The following MVD variants were observed in gnomAD, a reference collection of about 807,000 sequenced individuals.
MVD encodes the protein mevalonate diphosphate decarboxylase.
A neutral mutation model predicts 42.4 loss-of-function variants in MVD; 52 were observed. The ratio of observed to expected loss-of-function variants is 1.23; its 90% CI spans 0.98 to 1.55. MVD has a LOEUF of 1.55. MVD is among the 40% of genes most tolerant of loss of function. The pLI is 0.00. For synonymous variants in MVD, 287 were observed against 243.2 expected (o/e 1.18, Z -1.68); for missense variants, 663 against 572.1 (o/e 1.16, Z -1.62).
rs1907685627 is a variant in MVD, at chr16:88,653,175, G to A, written c.1122+125C>T. 4 of 728,530 alleles carry A rather than the reference G, an allele frequency of 5.5e-6. No individual in the cohort carries two copies. The African/African-American group carries it at 7.3e-5, about 13-fold the overall frequency. The allele number at this position is 728,530 out of a possible 1,614,324, so 45.1% of individuals were successfully genotyped here. A position where few individuals can be genotyped will look rare whatever the true frequency, so the allele number is the denominator to read the frequency against. ...GCAAATGAATGGACAAAGGCGTTCTGGCTTCCTGCCTGAGACACGGTAGGG... is the reference window on the plus strand; with the variant it reads ...GCAAATGAATGGACAAAGGCGTTCTAGCTTCCTGCCTGAGACACGGTAGGG... On this transcript the variant is annotated intron_variant, in intron 9 of 9. Coordinates refer to ENST00000301012, the MANE Select transcript of MVD (RefSeq NM_002461.3).
chr16:88,654,600 C>G, intron 8 of MVD, 92 bp downstream of exon 8: 1 of 1,304,578 alleles, frequency 7.7e-7, no homozygotes, highest in Non-Finnish European at 1.0e-6. Flanking sequence ...CTCCCTGTCT[C>G]AGCGCCACAG....
chr16:88,662,699 G>A, intron 1 of MVD: 1 of 1,377,532 alleles, frequency 7.3e-7, no homozygotes, highest in African/African-American at 1.5e-5. Context: ...GCACCACCAC[G>A]GCGGATTCTT....
At chr16:88,655,158 T>A in intron 7 of MVD, 41 bp downstream of exon 7, 1 of 1,544,904 alleles carries the variant, frequency 6.5e-7, no homozygotes, top group Non-Finnish European at 8.7e-7. Context: ...AGACACGCGC[T>A]ACAGCGCGAG....
At chr16:88,662,588 T>TG (rs1567619356) in intron 1 of MVD, 4 of 935,266 alleles carry the variant, frequency 4.3e-6, no homozygotes, top group East Asian at 2.0e-4. Flanking sequence ...GGTCTCGGGC[T>TG]GGGGGAGCAG....
At position 88,657,604 on chromosome 16, in the gene MVD, G is replaced by A. The variant is rs112107798; in HGVS notation, c.257-22C>T. The A allele has an allele frequency of 8.9e-4, 1,424 of 1,606,248 alleles. 13 individuals are homozygous for A. The African/African-American group carries it at 0.017, about 19-fold the overall frequency. ...CGGACTGCAGAGACAATGAGACAGC[G>A]TGTGGCCCAGCCGTCAGCACCCTGC... On this transcript the variant is annotated intron_variant, in intron 3 of 9. Transcript: ENST00000301012.
At chr16:88,658,919 G>T in intron 1 of MVD, 199 bp from the exon 2 acceptor site, 1 of 575,154 alleles carries the variant, frequency 1.7e-6, no homozygotes, top group Non-Finnish European at 3.2e-6. Flanking sequence ...CAGGCTCCCA[G>T]AGCAGAGCTG....
intron 3 of MVD, 146 bp downstream of exon 3, chr16:88,657,769 C>T: frequency 8.0e-7 from 1 of 1,245,486 alleles, no homozygotes; most frequent in South Asian, 1.4e-5. Context: ...GGGCCACTGC[C>T]CTGGAGCTGG....
rs981568234 is a variant in MVD, at chr16:88,656,539, G to C, written c.404-235C>G. 189 of 581,966 alleles carry C rather than the reference G, an allele frequency of 3.2e-4. 1 individual carries two copies. The highest frequency in any genetic ancestry group is 2.2e-3 in the South Asian group (104 of 47,674). 36.1% of individuals were successfully genotyped at this position (581,966 alleles called of 1,614,324 possible). A position where few individuals can be genotyped will look rare whatever the true frequency, so the allele number is the denominator to read the frequency against. On this transcript the variant is annotated intron_variant, in intron 4 of 9. Coordinates refer to ENST00000301012, the MANE Select transcript of MVD (RefSeq NM_002461.3). ...TCACGGCCTGCAGAGCTTGCGGCCC[G>C]CGACAAGGGCAACAAAAGGTACCTG... is the stretch of plus-strand genomic sequence containing the variant.
intron 1 of MVD, among the ~76,000 whole-genome samples, chr16:88,659,629 A>T (rs910509361): frequency 3.3e-5 from 5 of 152,146 alleles, no homozygotes; most frequent in African/African-American, 1.2e-4. Flanking sequence ...AACCAAAGCC[A>T]GCCCTCCCTA....
intron 3 of MVD, 32 bp from the exon 4 acceptor site, chr16:88,657,614 G>C (rs1254411865): frequency 6.2e-7 from 1 of 1,603,012 alleles, no homozygotes; most frequent in Non-Finnish European, 8.5e-7. Context: ...GTGTGGCCCA[G>C]CCGTCAGCAC....
intron 4 of MVD, 65 bp downstream of exon 4, chr16:88,657,371 G>A (rs1298905048): frequency 7.8e-6 from 12 of 1,532,800 alleles, no homozygotes; most frequent in Admixed American, 2.0e-5. Flanking sequence ...CCTGACCCGG[G>A]AAGAGCATGA....
rs764961928 is a variant in MVD at position 88,658,010 on chromosome 16, G to A, written c.161C>T (p.Ala54Val). The A allele has an allele frequency of 1.2e-6, 2 of 1,614,080 alleles. No individual in the cohort carries two copies. The highest frequency in any genetic ancestry group is 1.1e-5 in the South Asian group (1 of 91,080). Residue 54 changes from alanine to valine, a missense_variant, in exon 3 of 10, where the codon GCC becomes GTC. Transcript: ENST00000301012. ...CTCGGTGAAGTCCTTGCTGATGACG[G>A]CTGTTGTGGTGGTTTTTAACTGAAA... ...HQDQLKTTTT[A>V]VISKDFTEDR...
In MVD at chr16:88,658,049, C is replaced by T. The variant is rs1257465123; in HGVS notation, c.142-20G>A. 3 of 1,611,408 alleles carry T rather than the reference C, an allele frequency of 1.9e-6. No individual in the cohort carries two copies. The highest frequency in any genetic ancestry group is 2.2e-5 in the South Asian group (2 of 91,026). On this transcript the variant is annotated intron_variant, in intron 2 of 9. Transcript: ENST00000301012. ...TTTTAACTGAAAAGGAAACCCAGGG[C>T]CACCTCAGAGGCCAGCATTGAGGAC...
intron 1 of MVD, 194 bp from the exon 2 acceptor site, chr16:88,658,914 T>G: frequency 5.4e-6 from 3 of 556,236 alleles, no homozygotes; most frequent in Non-Finnish European, 9.8e-6. Context: ...GAGCTCAGGC[T>G]CCCAGAGCAG....
Position 88,652,239 on chromosome 16 carries a change from T to C in MVD, c.*286A>G, listed in dbSNP as rs917157514. Reference sequence around the variant, plus strand: ...AGCCAGAGCTGGGGTGAGAAAGCCCTTCAGCCCTGCTGCACCGAGGCTCTG... The same window carrying C: ...AGCCAGAGCTGGGGTGAGAAAGCCCCTCAGCCCTGCTGCACCGAGGCTCTG... On this transcript the variant is annotated 3_prime_UTR_variant, in exon 10 of 10. Coordinates refer to ENST00000301012, the MANE Select transcript of MVD (RefSeq NM_002461.3). 1 of 556,266 alleles carries C rather than the reference T, an allele frequency of 1.8e-6. No individual in the cohort carries two copies. The highest frequency in any genetic ancestry group is 3.1e-5 in the Admixed American group (1 of 32,082). 34.5% of individuals were successfully genotyped at this position (556,266 alleles called of 1,614,324 possible).
Position 88,658,008 on chromosome 16 carries a change from C to T in MVD, c.163G>A (p.Val55Ile), listed in dbSNP as rs200435526. The change falls in exon 3 of 10, where the codon GTC (valine) becomes ATC (isoleucine). Residue 55 changes from valine to isoleucine, a missense_variant. Coordinates refer to ENST00000301012, the MANE Select transcript of MVD (RefSeq NM_002461.3). ...TCCTCGGTGAAGTCCTTGCTGATGA[C>T]GGCTGTTGTGGTGGTTTTTAACTGA... is the stretch of plus-strand genomic sequence containing the variant. ...QDQLKTTTTA[V>I]ISKDFTEDRI... 1.9e-4 allele frequency: 307 copies of T among 1,614,090 alleles called. 2 individuals are homozygous for T. The highest frequency in any genetic ancestry group is 2.5e-4 in the Non-Finnish European group (295 of 1,180,034).
At position 88,655,724 on chromosome 16, in the gene MVD, C is replaced by T. The variant is rs112697935; in HGVS notation, c.610G>A (p.Ala204Thr). 180 of 1,556,796 alleles carry T rather than the reference C, an allele frequency of 1.2e-4. 1 individual carries two copies. Among genetic ancestry groups the T allele is most frequent in the Middle Eastern group, 1.7e-4 (1 of 6,002 alleles). The change falls in exon 6 of 10, where the codon GCT becomes ACT. Residue 204 changes from alanine (A) to threonine (T), a missense_variant. Transcript: ENST00000301012. ...ELRVLILVVSAEKKLTGSTVG... is the reference protein window; with the variant it reads ...ELRVLILVVSTEKKLTGSTVG... ...GTACTGCCTGTCAGCTTCTTCTCAG[C>T]GCTCACCTGCACGAGGGAGAGACAG...
Position 88,658,033 on chromosome 16 carries a change from A to T in MVD, c.142-4T>A. ...CGGCTGTTGTGGTGGTTTTTAACTG[A>T]AAAGGAAACCCAGGGCCACCTCAGA... On this transcript the variant is annotated splice_region_variant and splice_polypyrimidine_tract_variant and intron_variant, in intron 2 of 9. Transcript: ENST00000301012. The T allele has an allele frequency of 2.5e-6, 4 of 1,613,600 alleles. No homozygotes were observed. Among genetic ancestry groups the T allele is most frequent in the Non-Finnish European group, 3.4e-6 (4 of 1,179,800 alleles).
chr16:88,654,571 A>G (rs1597377445), intron 8 of MVD, 121 bp downstream of exon 8: 1 of 948,520 alleles, frequency 1.1e-6, no homozygotes, highest in Non-Finnish European at 1.5e-6. Context: ...CACTCGGGGG[A>G]CTGCTGCCTG....
Sources: allele counts gnomAD v4.1 joint callset (sites outside exome capture counted in the v4.1 genomes callset), GRCh38; gene constraint gnomAD v4.1.1; transcripts MANE v1.5; gene names NCBI Gene and HGNC (gene_info 2026-07-23, HGNC 2026-07-21).